Variants in MAP3K4 observed in about 807,000 individuals in gnomAD.
The protein encoded by MAP3K4 is MAP three kinase 1.
Under a neutral mutation model 185.6 loss-of-function variants are expected in MAP3K4, and 67 were observed. The observed-to-expected ratio is 0.36, with a 90% CI of 0.30 to 0.44. The LOEUF (loss-of-function observed/expected upper bound fraction) is 0.44. MAP3K4 is among the 20% of genes least tolerant of loss of function. The probability of loss-of-function intolerance (pLI) is 1.00; values close to 1 mark genes in which losing one functional copy is unlikely to be tolerated. For missense variants in MAP3K4, 1,551 were observed against 1,995.1 expected, an observed-to-expected ratio of 0.78 and a Z score of 4.24; for synonymous variants, 702 against 710.4, an observed-to-expected ratio of 0.99 and a Z score of 0.19.
rs1373461430 is a variant in MAP3K4, at chr6:160,991,810, G to C, written c.-122G>C. 2 of 1,126,018 alleles carry C rather than the reference G, an allele frequency of 1.8e-6. No homozygotes were observed. Among genetic ancestry groups the C allele is most frequent in the African/African-American group, 1.6e-5 (1 of 60,610 alleles). The allele number at this position is 1,126,018 out of a possible 1,614,324, so 69.8% of individuals were successfully genotyped here. On this transcript the variant is annotated 5_prime_UTR_variant, in exon 1 of 27. Coordinates refer to ENST00000392142, the MANE Select transcript of MAP3K4 (RefSeq NM_005922.4). This position sits in a 1 kb window ranked among gnomAD's most constrained non-coding sequence, Gnocchi z 5.7. ...TTTCCAAGATGGCCGCGGCGCGCAC[G>C]GCTCCTGCGGCGGGGTAGAGGCGGA...
In MAP3K4 at chr6:161,116,290, G is replaced by A. The variant is rs544359592; in HGVS notation, c.4807-560G>A. On this transcript the variant is annotated intron_variant, in intron 26 of 26. Coordinates refer to ENST00000392142, the MANE Select transcript of MAP3K4 (RefSeq NM_005922.4). The surrounding 1 kb of genome is among the most constrained non-coding windows in gnomAD (Gnocchi z 6.2). Reference sequence around the variant, plus strand: ...GCATCTGCTTGGAGATTTCACATGGGCATTTGGATACCTGGGGCTGGCACT... The same window carrying A: ...GCATCTGCTTGGAGATTTCACATGGACATTTGGATACCTGGGGCTGGCACT... Among the ~76,000 whole-genome samples, 1 of 152,120 alleles carries A rather than the reference G, an allele frequency of 6.6e-6. No individual in the cohort carries two copies. Among genetic ancestry groups the A allele is most frequent in the East Asian group, 1.9e-4 (1 of 5,152 alleles).
At chr6:161,010,680 A>G (rs1781803880) in intron 1 of MAP3K4, among the ~76,000 whole-genome samples, 1 of 152,234 alleles carries the variant, frequency 6.6e-6, no homozygotes, top group Admixed American at 6.5e-5. Context: ...TACTATGACT[A>G]ACCCCTGTTA....
At chr6:161,058,409 A>T (rs1375734236) in intron 3 of MAP3K4, among the ~76,000 whole-genome samples, 1 of 152,228 alleles carries the variant, frequency 6.6e-6, no homozygotes, top group Non-Finnish European at 1.5e-5. Flanking sequence ...TACATGACTT[A>T]CTGGGCCTGT....
chr6:160,992,436 T>C (rs551273386), intron 1 of MAP3K4: 80 of 344,750 alleles, frequency 2.3e-4, no homozygotes, highest in African/African-American at 1.7e-3. Flanking sequence ...CTGAAGTGCC[T>C]CTCATCATTA....
chr6:161,005,870 C>T (rs1781558973), intron 1 of MAP3K4, among the ~76,000 whole-genome samples: 1 of 132,420 alleles, frequency 7.6e-6, no homozygotes, highest in African/African-American at 2.9e-5. Flanking sequence ...TCACTGCAAC[C>T]TCTGCCTCCG....
At chr6:160,993,891 A>G (rs1293830723) in intron 1 of MAP3K4, among the ~76,000 whole-genome samples, 1 of 152,178 alleles carries the variant, frequency 6.6e-6, no homozygotes, top group Non-Finnish European at 1.5e-5. Flanking sequence ...AGTTAATTTT[A>G]CAATAGAAAA....
rs1312229949 is a variant in MAP3K4, at chr6:161,103,084, AATAACCATTC to A, written c.3856+310_3856+319del. Reference sequence around the variant, plus strand: ...GTAGGAGTATAATAAACATTTGTGAAATAACCATTCATAAATTAGACATTGAGGGAAAGAA... The same window carrying A: ...GTAGGAGTATAATAAACATTTGTGAAATAAATTAGACATTGAGGGAAAGAA... On this transcript the variant is annotated intron_variant, in intron 19 of 26. Coordinates refer to ENST00000392142, the MANE Select transcript of MAP3K4 (RefSeq NM_005922.4). This position sits in a 1 kb window ranked among gnomAD's most constrained non-coding sequence, Gnocchi z 4.6. 6.6e-6 allele frequency among the ~76,000 whole-genome samples: 1 copy of A among 152,240 alleles called. No homozygotes were observed. The highest frequency in any genetic ancestry group is 1.9e-4 in the East Asian group (1 of 5,198).
Position 161,017,895 on chromosome 6 carries a change from A to G in MAP3K4, c.153-16364A>G, listed in dbSNP as rs370983790. On this transcript the variant is annotated intron_variant, in intron 1 of 26. Coordinates refer to ENST00000392142, the MANE Select transcript of MAP3K4 (RefSeq NM_005922.4). This position sits in a 1 kb window ranked among gnomAD's most constrained non-coding sequence, Gnocchi z 5.1. ...TGTTATTATAACCCTAAAAATACAC[A>G]GAACAGTTTTTTTAGATTAAAAAAT... 7.9e-5 allele frequency among the ~76,000 whole-genome samples: 12 copies of G among 152,354 alleles called. 1 individual carries two copies. Among genetic ancestry groups the G allele is most frequent in the African/African-American group, 2.9e-4 (12 of 41,582 alleles).
rs561836910 is a variant in MAP3K4, at chr6:161,098,671, T to A, written c.3674+244T>A. Among the ~76,000 whole-genome samples, 1 of 152,342 alleles carries A rather than the reference T, an allele frequency of 6.6e-6. No individual in the cohort carries two copies. The highest frequency in any genetic ancestry group is 6.5e-5 in the Admixed American group (1 of 15,300). ...ATATTAGCCAAAATGACTAAAGACT[T>A]TGCGAAGAATAACTTGATGGAGTAT... On this transcript the variant is annotated intron_variant, in intron 17 of 26. Transcript: ENST00000392142. This position sits in a 1 kb window ranked among gnomAD's most constrained non-coding sequence, Gnocchi z 4.4.
chr6:161,068,888 C>G (rs1219497936), intron 3 of MAP3K4, among the ~76,000 whole-genome samples: 2 of 152,222 alleles, frequency 1.3e-5, no homozygotes, highest in African/African-American at 2.4e-5. Flanking sequence ...TTAGTCCACT[C>G]TGCAGCTGAG....
Position 161,073,258 on chromosome 6 carries a change from C to A in MAP3K4, c.1951-208C>A, listed in dbSNP as rs1233408114. On this transcript the variant is annotated intron_variant, in intron 4 of 26. Transcript: ENST00000392142. The surrounding 1 kb of genome is among the most constrained non-coding windows in gnomAD (Gnocchi z 4.2). ...TGTATCCATGCTGTAGTATTAAATT[C>A]TTTTATTTTCACTGTTTTGTTGCTT... is the stretch of plus-strand genomic sequence containing the variant. 9.9e-6 allele frequency: 4 copies of A among 404,364 alleles called. No homozygotes were observed. The highest frequency in any genetic ancestry group is 4.3e-5 in the Admixed American group (1 of 23,422). The allele number at this position is 404,364 out of a possible 1,614,324, so 25.0% of individuals were successfully genotyped here. A position where few individuals can be genotyped will look rare whatever the true frequency, so the allele number is the denominator to read the frequency against.
intron 1 of MAP3K4, among the ~76,000 whole-genome samples, chr6:161,000,252 C>G (rs1182716804): frequency 6.6e-6 from 1 of 152,160 alleles, no homozygotes; most frequent in African/African-American, 2.4e-5. Flanking sequence ...TTATTACCCA[C>G]AAATAGGTTG....
At chr6:161,085,430 A>G (rs921054458) in intron 7 of MAP3K4, among the ~76,000 whole-genome samples, 1 of 151,944 alleles carries the variant, frequency 6.6e-6, no homozygotes, top group African/African-American at 2.4e-5. Context: ...TGAAATTGCT[A>G]CTCTTTGTGG....
rs1784096421 is a variant in MAP3K4, at chr6:161,053,531, T to C, written c.1707+3552T>C. On this transcript the variant is annotated intron_variant, in intron 3 of 26. Coordinates refer to ENST00000392142, the MANE Select transcript of MAP3K4 (RefSeq NM_005922.4). The surrounding 1 kb of genome is among the most constrained non-coding windows in gnomAD (Gnocchi z 4.2). ...CTGCCTTTTAACCTCTGCCAAATAA[T>C]TGTACATTTTAAGGGCATACATTTT... Among the ~76,000 whole-genome samples, 2 of 152,236 alleles carry C rather than the reference T, an allele frequency of 1.3e-5. No individual in the cohort carries two copies. Among genetic ancestry groups the C allele is most frequent in the Non-Finnish European group, 2.9e-5 (2 of 68,042 alleles).
At position 161,098,210 on chromosome 6, in the gene MAP3K4, T is replaced by C; in HGVS notation, c.3525-68T>C. ...CCCCCTTGCCATATTTTATTTTTAATTGAAAACAATTTTCAAGTCCGTTCC... is the reference window on the plus strand; with the variant it reads ...CCCCCTTGCCATATTTTATTTTTAACTGAAAACAATTTTCAAGTCCGTTCC... On this transcript the variant is annotated intron_variant, in intron 16 of 26. Coordinates refer to ENST00000392142, the MANE Select transcript of MAP3K4 (RefSeq NM_005922.4). This position sits in a 1 kb window ranked among gnomAD's most constrained non-coding sequence, Gnocchi z 4.4. The C allele has an allele frequency of 6.8e-7, 1 of 1,477,240 alleles. No homozygotes were observed. The highest frequency in any genetic ancestry group is 2.4e-5 in the East Asian group (1 of 41,562). 91.5% of individuals were successfully genotyped at this position (1,477,240 alleles called of 1,614,324 possible).
intron 15 of MAP3K4, among the ~76,000 whole-genome samples, chr6:161,095,767 GTT>G (rs1398566473): frequency 2.0e-5 from 3 of 152,254 alleles, no homozygotes; most frequent in Non-Finnish European, 4.4e-5. Context: ...TATAATCAGT[GTT>G]TACCAGTAGT....
In MAP3K4 at chr6:161,076,168, G is replaced by A. The variant is rs896400184; in HGVS notation, c.2097+2556G>A. The stretch of plus-strand genomic sequence containing the variant: ...AAACCCAAGCTCTAAATACGTGTCC[G>A]CCTTAGGCCCAGAAGGCCCACCCAG... On this transcript the variant is annotated intron_variant, in intron 5 of 26. Coordinates refer to ENST00000392142, the MANE Select transcript of MAP3K4 (RefSeq NM_005922.4). This position sits in a 1 kb window ranked among gnomAD's most constrained non-coding sequence, Gnocchi z 4.2. 2.0e-5 allele frequency among the ~76,000 whole-genome samples: 3 copies of A among 152,132 alleles called. No homozygotes were observed. The highest frequency in any genetic ancestry group is 6.5e-5 in the Admixed American group (1 of 15,280).
At position 161,073,275 on chromosome 6, in the gene MAP3K4, T is replaced by C. The variant is rs911429550; in HGVS notation, c.1951-191T>C. 4.6e-5 allele frequency: 20 copies of C among 432,340 alleles called. No homozygotes were observed. The highest frequency in any genetic ancestry group is 4.6e-4 in the Middle Eastern group (1 of 2,152). 26.8% of individuals were successfully genotyped at this position (432,340 alleles called of 1,614,324 possible). On this transcript the variant is annotated intron_variant, in intron 4 of 26. Coordinates refer to ENST00000392142, the MANE Select transcript of MAP3K4 (RefSeq NM_005922.4). This position sits in a 1 kb window ranked among gnomAD's most constrained non-coding sequence, Gnocchi z 4.2. ...ATTAAATTCTTTTATTTTCACTGTT[T>C]TGTTGCTTCTCAATTGAGACTACTA...
chr6:161,074,992 T>C lies in MAP3K4; in HGVS notation c.2097+1380T>C, dbSNP rs1785106448. Among the ~76,000 whole-genome samples the C allele has an allele frequency of 6.6e-6, 1 of 152,190 alleles. No homozygotes were observed. Among genetic ancestry groups the C allele is most frequent in the Non-Finnish European group, 1.5e-5 (1 of 68,030 alleles). ...GCCATGGAGGCTGGGAATGCACATG[T>C]TGAGCTTTCCAGCCTCTGTAGTAGA... On this transcript the variant is annotated intron_variant, in intron 5 of 26. Transcript: ENST00000392142. The surrounding 1 kb of genome is among the most constrained non-coding windows in gnomAD (Gnocchi z 5.0).
Sources: gnomAD v4.1 joint callset for allele counts (sites outside exome capture counted in the v4.1 genomes callset) on GRCh38, gnomAD v4.1.1 for gene constraint, Gnocchi (gnomAD v3.1) non-coding constraint, MANE v1.5 for transcripts, NCBI Gene and HGNC (gene_info 2026-07-23, HGNC 2026-07-21) for gene names.